Variants in SHANK2 observed in about 807,000 individuals in gnomAD.
The protein encoded by SHANK2 is SH3 and multiple ankyrin repeat domains 2.
In SHANK2, 43 loss-of-function variants were observed where a neutral mutation model predicts 133.7. The observed-to-expected ratio is 0.32, with a 90% CI of 0.25 to 0.41. The LOEUF is 0.41. Among genes scored for constraint, SHANK2 ranks in the 10% least tolerant of loss-of-function variants. The pLI is 1.00. For synonymous variants in SHANK2, 1,017 were observed against 952.8 expected (o/e 1.07, Z -1.24); for missense variants, 1,994 against 2,235.8 (o/e 0.89, Z 2.18).
chr11:71,213,245 A>T (rs1954323048), intron 2 of SHANK2, among the ~76,000 whole-genome samples: 1 of 152,154 alleles, frequency 6.6e-6, no homozygotes, highest in Non-Finnish European at 1.5e-5. Context: ...CAACAGAGGC[A>T]GATATTTCCC....
intron 2 of SHANK2, among the ~76,000 whole-genome samples, chr11:71,217,168 G>T (rs1170392864): frequency 6.6e-6 from 1 of 151,674 alleles, no homozygotes; most frequent in African/African-American, 2.4e-5. Context: ...TTGCACTCCA[G>T]CCTGGGTGAC....
chr11:70,540,882 C>T (rs530701914), intron 17 of SHANK2, among the ~76,000 whole-genome samples: 94 of 150,878 alleles, frequency 6.2e-4, no homozygotes, highest in African/African-American at 2.2e-3. Context: ...AAACTCAGCA[C>T]GCTAACCTGT....
intron 11 of SHANK2, among the ~76,000 whole-genome samples, chr11:70,884,138 C>T (rs1470926329): frequency 6.6e-6 from 1 of 152,358 alleles, no homozygotes; most frequent in South Asian, 2.1e-4. Flanking sequence ...CACCAGGGCA[C>T]ACCCTGTGAA....
At chr11:71,116,929 A>G (rs530355535) in intron 4 of SHANK2, among the ~76,000 whole-genome samples, 47 of 152,290 alleles carry the variant, frequency 3.1e-4, no homozygotes, top group Non-Finnish European at 4.7e-4. Flanking sequence ...TGAGGCCTCA[A>G]TGCTGAGCCC....
At chr11:71,088,539 T>C (rs1322962422) in intron 8 of SHANK2, among the ~76,000 whole-genome samples, 1 of 106,472 alleles carries the variant, frequency 9.4e-6, no homozygotes, top group Non-Finnish European at 1.9e-5. Context: ...TCTTAGAGAC[T>C]CACAACTCAG....
chr11:70,533,726 A>G (rs2059508552), intron 17 of SHANK2, among the ~76,000 whole-genome samples: 1 of 152,102 alleles, frequency 6.6e-6, no homozygotes, highest in African/African-American at 2.4e-5. Context: ...GTGTTGTGCA[A>G]GCACCACCTC....
At chr11:70,503,400 A>G (rs2059089347) in intron 17 of SHANK2, among the ~76,000 whole-genome samples, 1 of 152,138 alleles carries the variant, frequency 6.6e-6, no homozygotes, top group African/African-American at 2.4e-5. Context: ...CTTCTCATGT[A>G]TTCTGGGAAT....
rs140691968 is a variant in SHANK2 at position 70,516,825 on chromosome 11, T to C, written c.2062-13894A>G. 1.8e-4 allele frequency among the ~76,000 whole-genome samples: 27 copies of C among 152,200 alleles called. No individual in the cohort carries two copies. The East Asian group carries it at 5.0e-3, about 28-fold the overall frequency. The stretch of plus-strand genomic sequence containing the variant: ...GGCTCATGCTTGTAATCCCAGCACT[T>C]TGGGGGGCCGAGTCGGGTGGATCAC... On this transcript the variant is annotated intron_variant, in intron 17 of 25. Transcript: ENST00000601538.
intron 4 of SHANK2, 113 bp downstream of exon 4, chr11:71,118,716 A>C (rs1952028053): frequency 1.1e-6 from 1 of 926,446 alleles, no homozygotes; most frequent in African/African-American, 1.7e-5. Context: ...ATGTGGGGAT[A>C]ATTTCCCAAT....
intron 2 of SHANK2, among the ~76,000 whole-genome samples, chr11:71,192,905 T>C (rs1208330888): frequency 1.3e-5 from 2 of 152,202 alleles, no homozygotes; most frequent in Non-Finnish European, 2.9e-5. Context: ...TGAAGCGCCT[T>C]GTATAAAATA....
At chr11:70,937,112 T>C (rs1450633674) in intron 10 of SHANK2, among the ~76,000 whole-genome samples, 1 of 152,156 alleles carries the variant, frequency 6.6e-6, no homozygotes, top group Non-Finnish European at 1.5e-5. Context: ...AACATGTCAC[T>C]TACCAGCCCT....
Position 71,068,092 on chromosome 11 carries a change from AATC to A in SHANK2, c.1029+7064_1029+7066del, listed in dbSNP as rs1415684516. Reference sequence around the variant, plus strand: ...CCATCACCATCACCACCATCATCACAATCATCATCACCATCACCTGCCGTCACT... The same window carrying A: ...CCATCACCATCACCACCATCATCACAATCATCACCATCACCTGCCGTCACT... On this transcript the variant is annotated intron_variant, in intron 9 of 25. Transcript: ENST00000601538. 3.3e-5 allele frequency among the ~76,000 whole-genome samples: 5 copies of A among 151,806 alleles called. 1 individual carries two copies. The South Asian group carries it at 1.0e-3, about 32-fold the overall frequency.
chr11:70,909,640 G>A (rs1344311794), intron 10 of SHANK2, among the ~76,000 whole-genome samples: 1 of 152,088 alleles, frequency 6.6e-6, no homozygotes, highest in Non-Finnish European at 1.5e-5. Context: ...CTGTCCATTC[G>A]ATTCCAAAGC....
At chr11:70,592,496 C>T (rs2060337916) in intron 17 of SHANK2, among the ~76,000 whole-genome samples, 1 of 151,918 alleles carries the variant, frequency 6.6e-6, no homozygotes, top group Non-Finnish European at 1.5e-5. Context: ...CATCCCAGCA[C>T]ACCCCCTCCA....
intron 5 of SHANK2, among the ~76,000 whole-genome samples, chr11:71,111,136 G>A (rs183278151): frequency 5.3e-5 from 8 of 152,334 alleles, no homozygotes; most frequent in African/African-American, 1.9e-4. Flanking sequence ...AAGGTATTTT[G>A]TAAAAGCAGC....
At position 70,717,273 on chromosome 11, in the gene SHANK2, G is replaced by A. The variant is rs568400061; in HGVS notation, c.1778-18510C>T. 5.9e-5 allele frequency among the ~76,000 whole-genome samples: 9 copies of A among 152,214 alleles called. No individual in the cohort carries two copies. The South Asian group carries it at 1.7e-3, about 28-fold the overall frequency. On this transcript the variant is annotated intron_variant, in intron 14 of 25. Transcript: ENST00000601538. ...AGCCACAGCACCTCATCATGCAACC[G>A]ACCTCCCTTTGAGGTTAACCACAGT...
At chr11:71,088,525 T>TGTCTCTTAGA (rs1951449590) in intron 8 of SHANK2, among the ~76,000 whole-genome samples, 1 of 147,510 alleles carries the variant, frequency 6.8e-6, no homozygotes, top group African/African-American at 2.5e-5. Context: ...CCAACGTCCA[T>TGTCTCTTAGA]GTCTCTTAGA....
intron 14 of SHANK2, among the ~76,000 whole-genome samples, chr11:70,741,340 TATCCATCCATCC>T (rs111526364): frequency 1.9e-4 from 28 of 149,052 alleles, no homozygotes; most frequent in African/African-American, 5.7e-4. Context: ...CCCATCTATC[TATCCATCCATCC>T]ATCCATCCAT....
intron 11 of SHANK2, among the ~76,000 whole-genome samples, chr11:70,840,036 G>C (rs1948878825): frequency 6.6e-6 from 1 of 152,236 alleles, no homozygotes; most frequent in African/African-American, 2.4e-5. Context: ...CAGCTATGCA[G>C]CCCTGGGGCT....
Sources: gnomAD v4.1 joint callset for allele counts (sites outside exome capture counted in the v4.1 genomes callset) on GRCh38, gnomAD v4.1.1 for gene constraint, MANE v1.5 for transcripts, NCBI Gene and HGNC (gene_info 2026-07-23, HGNC 2026-07-21) for gene names.